VAT1L: variants seen among roughly 807,000 people sequenced by gnomAD.
VAT1L encodes putative NADPH-dependent quinone oxidoreductase VAT1L.
A neutral mutation model predicts 44.1 loss-of-function variants in VAT1L; 34 were observed. The ratio of observed to expected loss-of-function variants is 0.77; its 90% CI spans 0.59 to 1.03. The LOEUF (loss-of-function observed/expected upper bound fraction) is 1.03, where lower values mean the gene tolerates loss of function less well. Ranked by LOEUF, VAT1L falls within the 50% of genes least tolerant of loss-of-function variation. The pLI is 0.00. For synonymous variants in VAT1L, 253 were observed against 202.2 expected (o/e 1.25, Z -2.13); for missense variants, 615 against 538.8 (o/e 1.14, Z -1.40).
At chr16:77,973,505 G>C (rs1245220978) in intron 8 of VAT1L, among the ~76,000 whole-genome samples, 1 of 151,986 alleles carries the variant, frequency 6.6e-6, no homozygotes, top group East Asian at 1.9e-4. Context: ...GGCTGGTCTT[G>C]AACTCCTGAC....
At chr16:77,895,490 G>C (rs934190074) in intron 7 of VAT1L, among the ~76,000 whole-genome samples, 3 of 152,150 alleles carry the variant, frequency 2.0e-5, no homozygotes, top group African/African-American at 7.2e-5. Flanking sequence ...AGAGGCAGGA[G>C]GGTTGGAGTC....
At chr16:77,843,485 C>G (rs2016727776) in intron 3 of VAT1L, among the ~76,000 whole-genome samples, 1 of 152,184 alleles carries the variant, frequency 6.6e-6, no homozygotes, top group African/African-American at 2.4e-5. Context: ...CTGAGTTCTC[C>G]TACAGAAAGT....
intron 7 of VAT1L, chr16:77,892,592 C>G: frequency 1.5e-6 from 1 of 648,512 alleles, no homozygotes; most frequent in Non-Finnish European, 3.0e-6. Flanking sequence ...CAGAATTATT[C>G]CAGGGTTTAT....
chr16:77,975,027 T>A (rs1333269546), intron 8 of VAT1L, among the ~76,000 whole-genome samples: 4 of 151,516 alleles, frequency 2.6e-5, no homozygotes, highest in Non-Finnish European at 5.9e-5. Context: ...ACAGAAGACA[T>A]GGAGATGCAG....
chr16:77,806,008 G>A lies in VAT1L; in HGVS notation c.234-10913G>A, dbSNP rs112214517. On this transcript the variant is annotated intron_variant, in intron 1 of 8. Transcript: ENST00000302536. ...CTCCTGAGCAGCTGGGATTACAGGC[G>A]CCTGCCACCATGCCCAGCAAATTTT... 8.4e-3 allele frequency among the ~76,000 whole-genome samples: 1,263 copies of A among 151,082 alleles called. 20 individuals carry two copies. Among genetic ancestry groups the A allele is most frequent in the African/African-American group, 0.03 (1,218 of 41,192 alleles).
intron 7 of VAT1L, among the ~76,000 whole-genome samples, chr16:77,951,554 A>G (rs1366969716): frequency 7.0e-6 from 1 of 142,706 alleles, no homozygotes; most frequent in African/African-American, 2.5e-5. Flanking sequence ...TCAAAAATAA[A>G]TAAATAAATA....
At chr16:77,807,612 C>G (rs574332359) in intron 1 of VAT1L, among the ~76,000 whole-genome samples, 2 of 152,172 alleles carry the variant, frequency 1.3e-5, no homozygotes, top group East Asian at 3.9e-4. Context: ...CTGCAAATCT[C>G]AGTCTCGGAG....
chr16:77,813,347 A>G (rs547645784), intron 1 of VAT1L, among the ~76,000 whole-genome samples: 1 of 152,334 alleles, frequency 6.6e-6, no homozygotes, highest in South Asian at 2.1e-4. Flanking sequence ...TGGGTGATTG[A>G]TTACGGTATT....
intron 5 of VAT1L, among the ~76,000 whole-genome samples, chr16:77,877,504 C>G (rs969395198): frequency 1.2e-4 from 14 of 115,430 alleles, no homozygotes; most frequent in Non-Finnish European, 2.3e-4. Context: ...CAGAGCGGGA[C>G]TCTGTCTCAA....
chr16:77,807,905 T>C (rs1477653956), intron 1 of VAT1L, among the ~76,000 whole-genome samples: 2 of 152,202 alleles, frequency 1.3e-5, no homozygotes, highest in African/African-American at 4.8e-5. Flanking sequence ...TGCAGAGGAC[T>C]GCTTGGAATA....
At chr16:77,794,754 AT>A (rs1382184261) in intron 1 of VAT1L, among the ~76,000 whole-genome samples, 1 of 152,152 alleles carries the variant, frequency 6.6e-6, no homozygotes, top group Non-Finnish European at 1.5e-5. Flanking sequence ...ATCACTCTGT[AT>A]TGGATGGAAG....
At chr16:77,931,325 A>C (rs2017728871) in intron 7 of VAT1L, among the ~76,000 whole-genome samples, 1 of 152,214 alleles carries the variant, frequency 6.6e-6, no homozygotes, top group Non-Finnish European at 1.5e-5. Context: ...CTTTTAAATA[A>C]GGAAACTGAG....
intron 7 of VAT1L, among the ~76,000 whole-genome samples, chr16:77,895,898 A>G (rs1272968268): frequency 6.6e-6 from 1 of 152,182 alleles, no homozygotes; most frequent in Non-Finnish European, 1.5e-5. Flanking sequence ...ACAATTATAT[A>G]AGCAGGGAAC....
chr16:77,930,011 G>C (rs2017711189), intron 7 of VAT1L, among the ~76,000 whole-genome samples: 1 of 152,116 alleles, frequency 6.6e-6, no homozygotes, highest in African/African-American at 2.4e-5. Flanking sequence ...TTCCAGAAAA[G>C]ATGTCTTATT....
chr16:77,961,204 A>G (rs1251015295), intron 7 of VAT1L, among the ~76,000 whole-genome samples: 2 of 152,080 alleles, frequency 1.3e-5, no homozygotes, highest in African/African-American at 4.8e-5. Context: ...CTGCACGTCT[A>G]TTCACAGAGA....
intron 7 of VAT1L, among the ~76,000 whole-genome samples, chr16:77,932,391 C>G (rs1163944504): frequency 6.6e-6 from 1 of 152,098 alleles, no homozygotes; most frequent in African/African-American, 2.4e-5. Context: ...AGGCTTGAGC[C>G]ACCACTCCCA....
At chr16:77,862,655 G>C in intron 3 of VAT1L, 93 bp from the exon 4 acceptor site, 1 of 643,568 alleles carries the variant, frequency 1.6e-6, no homozygotes, top group Non-Finnish European at 2.4e-6. Context: ...AAAGTCAATA[G>C]TGCCGATGGA....
intron 3 of VAT1L, among the ~76,000 whole-genome samples, chr16:77,860,154 C>A (rs1567490256): frequency 6.6e-6 from 1 of 152,124 alleles, no homozygotes; most frequent in Admixed American, 6.5e-5. Flanking sequence ...AGGAACCAAC[C>A]CTGCCAACAC....
At chr16:77,921,795 G>C (rs2142494558) in intron 7 of VAT1L, among the ~76,000 whole-genome samples, 1 of 152,248 alleles carries the variant, frequency 6.6e-6, no homozygotes, top group Non-Finnish European at 1.5e-5. Flanking sequence ...CCGGGCTGGA[G>C]TGCAGTGGCA....
Sources: gnomAD v4.1 joint callset for allele counts (sites outside exome capture counted in the v4.1 genomes callset) on GRCh38, gnomAD v4.1.1 for gene constraint, MANE v1.5 for transcripts, NCBI Gene and HGNC (gene_info 2026-07-23, HGNC 2026-07-21) for gene names.